Variants in CRB1 observed in about 807,000 individuals in gnomAD.
CRB1 encodes protein crumbs homolog 1.
A neutral mutation model predicts 120.0 loss-of-function variants in CRB1; 83 were observed. The observed-to-expected ratio is 0.69, with a 90% CI of 0.58 to 0.83. The LOEUF is 0.83. Among genes scored for constraint, CRB1 ranks in the 40% least tolerant of loss-of-function variants. The pLI is 0.00. For synonymous variants in CRB1, 625 were observed against 612.5 expected (o/e 1.02, Z -0.30); for missense variants, 1,699 against 1,687.6 (o/e 1.01, Z -0.12).
At chr1:197,389,042 C>T (rs1388922502) in intron 5 of CRB1, among the ~76,000 whole-genome samples, 2 of 152,022 alleles carry the variant, frequency 1.3e-5, no homozygotes, top group Admixed American at 6.6e-5. Flanking sequence ...TATTATCAAA[C>T]AGAAAAGTTA....
At chr1:197,477,499 T>A (rs1667246118) in intron 11 of CRB1, 165 bp from the exon 12 acceptor site, 1 of 720,838 alleles carries the variant, frequency 1.4e-6, no homozygotes, top group African/African-American at 1.7e-5. Flanking sequence ...GTAAATGATT[T>A]GAGAATAAGA....
intron 1 of CRB1, among the ~76,000 whole-genome samples, chr1:197,317,886 A>G (rs1234246860): frequency 6.6e-6 from 1 of 152,160 alleles, no homozygotes; most frequent in Non-Finnish European, 1.5e-5. Flanking sequence ...CTGAAATGAA[A>G]CTACTAACAG....
chr1:197,452,719 C>T (rs1470241771), intron 11 of CRB1, among the ~76,000 whole-genome samples: 1 of 152,166 alleles, frequency 6.6e-6, no homozygotes, highest in African/African-American at 2.4e-5. Flanking sequence ...TCCTAGGATG[C>T]AGCACTATCT....
chr1:197,363,079 T>C (rs1340666383), intron 5 of CRB1, among the ~76,000 whole-genome samples: 3 of 152,088 alleles, frequency 2.0e-5, no homozygotes, highest in Non-Finnish European at 4.4e-5. Context: ...TCACAGCCTA[T>C]TGGTTTCAGT....
intron 11 of CRB1, among the ~76,000 whole-genome samples, chr1:197,455,420 C>A (rs984034365): frequency 2.0e-5 from 3 of 152,090 alleles, no homozygotes; most frequent in African/African-American, 7.2e-5. Context: ...TCAACCAAAC[C>A]GAAAACTGCC....
intron 1 of CRB1, among the ~76,000 whole-genome samples, chr1:197,280,961 G>A (rs188117216): frequency 2.6e-5 from 4 of 151,834 alleles, no homozygotes; most frequent in Admixed American, 6.6e-5. Context: ...CATCGGGGGC[G>A]GTCATTAAAT....
chr1:197,295,160 C>T (rs1656448148), intron 1 of CRB1, among the ~76,000 whole-genome samples: 1 of 151,964 alleles, frequency 6.6e-6, no homozygotes, highest in South Asian at 2.1e-4. Flanking sequence ...AAATCATAAA[C>T]ATTTTTCAAC....
At chr1:197,340,291 C>A (rs971066298) in intron 2 of CRB1, among the ~76,000 whole-genome samples, 39 of 152,028 alleles carry the variant, frequency 2.6e-4, no homozygotes, top group Non-Finnish European at 7.4e-5. Flanking sequence ...AAGGGAAATA[C>A]CTATATGCAG....
intron 5 of CRB1, among the ~76,000 whole-genome samples, chr1:197,383,439 G>A (rs1199908278): frequency 6.6e-6 from 1 of 152,124 alleles, no homozygotes; most frequent in Non-Finnish European, 1.5e-5. Flanking sequence ...CCTGGAGCTG[G>A]TCCTGAAGCA....
the CRB1 span, among the ~76,000 whole-genome samples, chr1:197,242,917 C>T: frequency 1.3e-5 from 2 of 151,892 alleles, no homozygotes; most frequent in African/African-American, 2.4e-5. Context: ...TGTATGTGTC[C>T]AGGAATTTAT....
At chr1:197,456,016 C>G (rs115212087) in intron 11 of CRB1, among the ~76,000 whole-genome samples, 4,381 of 152,122 alleles carry the variant, frequency 0.029, 128 homozygotes, top group Admixed American at 0.049. Flanking sequence ...ATTTCATTGT[C>G]TATTTGAATG....
chr1:197,303,733 T>G (rs1470547047), intron 1 of CRB1, among the ~76,000 whole-genome samples: 1 of 152,216 alleles, frequency 6.6e-6, no homozygotes, highest in Non-Finnish European at 1.5e-5. Flanking sequence ...CCACTTTAGA[T>G]TTCACATGTC....
rs1665082477 is a variant in CRB1, at chr1:197,435,156, G to C, written c.3293G>C (p.Ser1098Thr). Residue 1098 changes from serine (S) to threonine (T), a missense_variant, in exon 9 of 12, where the codon AGT (serine) becomes ACT (threonine). By Grantham distance (58) the Ser-to-Thr change is moderately conservative. Transcript: ENST00000367400. The part of the protein sequence containing the change: ...DNIKGLQGCL[S>T]TIEIGGIYLS... ...ATAAAGGGCCTGCAAGGGTGTCTAAGTACAATAGAAATCGGAGGCATTTAT... is the reference window on the plus strand; with the variant it reads ...ATAAAGGGCCTGCAAGGGTGTCTAACTACAATAGAAATCGGAGGCATTTAT... The C allele has an allele frequency of 1.2e-6, 2 of 1,613,918 alleles. No individual in the cohort carries two copies. Among genetic ancestry groups the C allele is most frequent in the Non-Finnish European group, 1.7e-6 (2 of 1,179,864 alleles).
Position 197,427,930 on chromosome 1 carries a change from A to G in CRB1, c.2605A>G (p.Thr869Ala). ...NQNLEFFPNPTNNASLNPVLV... is the reference protein window; with the variant it reads ...NQNLEFFPNPANNASLNPVLV... ...AAATCTGGAATTCTTTCCAAATCCA[A>G]CAAACAATGCATCTCTCAATCCAGT... The change falls in exon 7 of 12, where the codon ACA becomes GCA. Residue 869 changes from threonine to alanine, a missense_variant. Coordinates refer to ENST00000367400, the MANE Select transcript of CRB1 (RefSeq NM_201253.3). 1.2e-6 allele frequency: 2 copies of G among 1,614,064 alleles called. No homozygotes were observed. Among genetic ancestry groups the G allele is most frequent in the Non-Finnish European group, 1.7e-6 (2 of 1,179,986 alleles).
At chr1:197,283,737 T>G (rs1047835306) in intron 1 of CRB1, among the ~76,000 whole-genome samples, 2 of 151,670 alleles carry the variant, frequency 1.3e-5, no homozygotes, top group African/African-American at 2.4e-5. Flanking sequence ...TTTTCTTTAA[T>G]TTTGTTATAG....
At chr1:197,224,655 C>T in the CRB1 span, among the ~76,000 whole-genome samples, 1 of 151,934 alleles carries the variant, frequency 6.6e-6, no homozygotes, top group Non-Finnish European at 1.5e-5. Context: ...TTTTTGGATA[C>T]CATATATGAC....
At chr1:197,470,874 TC>T (rs1256097826) in intron 11 of CRB1, among the ~76,000 whole-genome samples, 2 of 152,380 alleles carry the variant, frequency 1.3e-5, no homozygotes, top group African/African-American at 4.8e-5. Flanking sequence ...ATGACCAATG[TC>T]ACAGCACATG....
chr1:197,332,904 G>A (rs934561973), intron 2 of CRB1, among the ~76,000 whole-genome samples: 4 of 152,084 alleles, frequency 2.6e-5, no homozygotes, highest in Non-Finnish European at 5.9e-5. Flanking sequence ...CCCCAAAGAA[G>A]GTCTGTAGAA....
chr1:197,379,885 T>C (rs1661859045), intron 5 of CRB1, among the ~76,000 whole-genome samples: 1 of 152,208 alleles, frequency 6.6e-6, no homozygotes, highest in Non-Finnish European at 1.5e-5. Flanking sequence ...AGGAGTTACC[T>C]AGATAATTAG....
Sources: allele counts gnomAD v4.1 joint callset (sites outside exome capture counted in the v4.1 genomes callset), GRCh38; gene constraint gnomAD v4.1.1; transcripts MANE v1.5; gene names NCBI Gene and HGNC (gene_info 2026-07-23, HGNC 2026-07-21).